The following SERPINI2 variants were observed in gnomAD, a reference collection of about 807,000 sequenced individuals.
SERPINI2 encodes serpin family I member 2.
Under a neutral mutation model 47.3 loss-of-function variants are expected in SERPINI2, and 48 were observed. The ratio of observed to expected loss-of-function variants is 1.02; its 90% CI spans 0.81 to 1.29. The LOEUF is 1.29. SERPINI2 is among the 50% of genes most tolerant of loss of function. The pLI is 0.00. For synonymous variants in SERPINI2, 135 were observed against 149.3 expected (o/e 0.90, Z 0.70); for missense variants, 448 against 456.9 (o/e 0.98, Z 0.18).
chr3:167,471,272 T>TAC (rs921796643), intron 2 of SERPINI2, among the ~76,000 whole-genome samples: 13 of 151,704 alleles, frequency 8.6e-5, no homozygotes, highest in African/African-American at 3.1e-4. Context: ...AGTATGTACA[T>TAC]ACACACACAC....
intron 8 of SERPINI2, among the ~76,000 whole-genome samples, chr3:167,443,586 T>C (rs904512633): frequency 3.3e-5 from 5 of 152,198 alleles, no homozygotes; most frequent in African/African-American, 1.2e-4. Flanking sequence ...GCGACTCCTA[T>C]ATCTTCATAA....
chr3:167,444,841 T>G (rs1389637911), intron 8 of SERPINI2, among the ~76,000 whole-genome samples: 1 of 152,180 alleles, frequency 6.6e-6, no homozygotes, highest in Non-Finnish European at 1.5e-5. Flanking sequence ...TGCTGCTGTT[T>G]TACTGATAGC....
chr3:167,463,101 G>C (rs961512874), intron 5 of SERPINI2, among the ~76,000 whole-genome samples: 5 of 151,878 alleles, frequency 3.3e-5, no homozygotes, highest in African/African-American at 9.7e-5. Flanking sequence ...GACCCCACTG[G>C]TGGTACATGT....
chr3:167,475,243 A>G (rs999706712), upstream of SERPINI2, among the ~76,000 whole-genome samples: 3 of 151,798 alleles, frequency 2.0e-5, no homozygotes, highest in Admixed American at 1.3e-4. Flanking sequence ...GAGTTGTGCA[A>G]TACAAGAATA....
intron 5 of SERPINI2, among the ~76,000 whole-genome samples, chr3:167,464,305 T>C (rs940557723): frequency 6.6e-6 from 1 of 152,100 alleles, no homozygotes; most frequent in Non-Finnish European, 1.5e-5. Context: ...TGAGCCACCA[T>C]GCCTGGCCAG....
chr3:167,466,833 CAAAAG>C (rs1669518574), intron 3 of SERPINI2, among the ~76,000 whole-genome samples: 1 of 151,996 alleles, frequency 6.6e-6, no homozygotes, highest in Admixed American at 6.6e-5. Flanking sequence ...AGGTATCTCT[CAAAAG>C]AAAATAAAAG....
intron 5 of SERPINI2, among the ~76,000 whole-genome samples, chr3:167,459,880 G>A (rs190078604): frequency 3.9e-5 from 6 of 152,014 alleles, no homozygotes; most frequent in African/African-American, 7.2e-5. Context: ...CAATATGATC[G>A]GTGTCCTTAT....
intron 5 of SERPINI2, among the ~76,000 whole-genome samples, chr3:167,456,150 CTGTG>C (rs68048909): frequency 0.1 from 15,005 of 144,402 alleles, 754 homozygotes; most frequent in African/African-American, 0.14. Context: ...TCAATTACCT[CTGTG>C]TGTGTGTGTG....
intron 5 of SERPINI2, among the ~76,000 whole-genome samples, chr3:167,458,487 C>T (rs1186848359): frequency 2.0e-5 from 3 of 149,640 alleles, no homozygotes; most frequent in East Asian, 3.9e-4. Context: ...TGGTCTCGAT[C>T]TCCTGACCTC....
chr3:167,458,038 T>C (rs1249817056), intron 5 of SERPINI2, among the ~76,000 whole-genome samples: 1 of 152,220 alleles, frequency 6.6e-6, no homozygotes, highest in African/African-American at 2.4e-5. Flanking sequence ...TTCATTGTCT[T>C]ACTTGGACAT....
chr3:167,467,319 G>T (rs1459627818), intron 2 of SERPINI2, 34 bp from the exon 3 acceptor site: 5 of 1,462,328 alleles, frequency 3.4e-6, no homozygotes, highest in South Asian at 1.2e-5. Flanking sequence ...TTGGCATATT[G>T]AACAACATAA....
intron 5 of SERPINI2, among the ~76,000 whole-genome samples, chr3:167,459,369 C>T (rs991845770): frequency 6.6e-5 from 10 of 152,010 alleles, no homozygotes; most frequent in East Asian, 1.9e-4. Context: ...CCACCGCGCC[C>T]GGCCCCAAAG....
chr3:167,443,104 G>T (rs930289028), intron 8 of SERPINI2, among the ~76,000 whole-genome samples: 2 of 151,998 alleles, frequency 1.3e-5, no homozygotes, highest in Admixed American at 6.5e-5. Flanking sequence ...TTATTTTTTT[G>T]TTTTGTTTTG....
chr3:167,470,725 C>T (rs1750291245), intron 2 of SERPINI2, among the ~76,000 whole-genome samples: 1 of 151,798 alleles, frequency 6.6e-6, no homozygotes, highest in African/African-American at 2.4e-5. Flanking sequence ...CCATGCCTTG[C>T]AAATTTTTGT....
intron 5 of SERPINI2, among the ~76,000 whole-genome samples, chr3:167,454,636 T>C (rs1211051460): frequency 6.6e-6 from 1 of 152,190 alleles, no homozygotes; most frequent in Non-Finnish European, 1.5e-5. Flanking sequence ...CAAGACTTAT[T>C]ACAACTTCTA....
chr3:167,453,224 C>T (rs1292638436), intron 5 of SERPINI2, among the ~76,000 whole-genome samples, 191 bp from the exon 6 acceptor site: 2 of 152,160 alleles, frequency 1.3e-5, no homozygotes, highest in Non-Finnish European at 2.9e-5. Flanking sequence ...CAATAACTTG[C>T]TTCCCAGATA....
intron 6 of SERPINI2, 133 bp downstream of exon 6, chr3:167,452,803 A>G: frequency 4.0e-6 from 2 of 506,024 alleles, no homozygotes; most frequent in Admixed American, 7.8e-5. Context: ...ACAGCTCAAC[A>G]TGACTATGAC....
chr3:167,442,251 G>A, intron 8 of SERPINI2, 66 bp from the exon 9 acceptor site: 1 of 1,179,336 alleles, frequency 8.5e-7, no homozygotes. Context: ...ACAATAATTA[G>A]TTTTTCTTAA....
In SERPINI2 at chr3:167,467,296, A is replaced by G. The variant is rs768788497; in HGVS notation, c.248-11T>C. 6.4e-7 allele frequency: 1 copy of G among 1,566,320 alleles called. No individual in the cohort carries two copies. The highest frequency in any genetic ancestry group is 8.8e-7 in the Non-Finnish European group (1 of 1,142,324). ...CAAAAAATTCTTCCCCTAGAAAATA[A>G]TTTTAATGTATATTGGCATATTGAA... On this transcript the variant is annotated splice_polypyrimidine_tract_variant and intron_variant, in intron 2 of 8. Coordinates refer to ENST00000264677, the Ensembl canonical transcript of SERPINI2.
Sources: gnomAD v4.1 joint callset for allele counts (sites outside exome capture counted in the v4.1 genomes callset) on GRCh38, gnomAD v4.1.1 for gene constraint, MANE v1.5 for transcripts, NCBI Gene and HGNC (gene_info 2026-07-23, HGNC 2026-07-21) for gene names.